NRF1: variants seen among roughly 807,000 people sequenced by gnomAD.
The protein encoded by NRF1 is nuclear respiratory factor 1, also known as alpha palindromic-binding protein.
Under a neutral mutation model 58.5 loss-of-function variants are expected in NRF1, and 5 were observed. That is an observed-to-expected ratio of 0.09 (90% CI 0.04 to 0.18). NRF1 has a LOEUF of 0.18. Among genes scored for constraint, NRF1 ranks in the 10% least tolerant of loss-of-function variants. NRF1 has a pLI of 1.00. For synonymous variants in NRF1, 224 were observed against 246.7 expected (o/e 0.91, Z 0.86); for missense variants, 288 against 657.7 (o/e 0.44, Z 6.15).
intron 1 of NRF1, among the ~76,000 whole-genome samples, chr7:129,646,552 T>C (rs987471305): frequency 3.3e-5 from 5 of 152,126 alleles, no homozygotes; most frequent in African/African-American, 1.2e-4. Context: ...CTCCTGCAGC[T>C]GGTAATCTGA....
intron 5 of NRF1, among the ~76,000 whole-genome samples, chr7:129,691,002 AG>A (rs1802553976): frequency 6.6e-6 from 1 of 152,192 alleles, no homozygotes; most frequent in Admixed American, 6.5e-5. Flanking sequence ...TAAAAGTCAG[AG>A]TGACAGTCTT....
At chr7:129,654,703 T>A (rs573191840) in intron 1 of NRF1, among the ~76,000 whole-genome samples, 2 of 152,360 alleles carry the variant, frequency 1.3e-5, no homozygotes, top group African/African-American at 2.4e-5. Context: ...CACCATTCAT[T>A]GAAAAGACTA....
intron 1 of NRF1, among the ~76,000 whole-genome samples, chr7:129,635,400 C>G (rs1434417611): frequency 6.6e-6 from 1 of 152,122 alleles, no homozygotes; most frequent in Admixed American, 6.6e-5. Context: ...TTTAAGCACA[C>G]CACCTTTGGG....
At chr7:129,686,508 C>A (rs542875055) in intron 4 of NRF1, among the ~76,000 whole-genome samples, 2 of 152,300 alleles carry the variant, frequency 1.3e-5, no homozygotes, top group South Asian at 2.1e-4. Flanking sequence ...ACACTTCTTA[C>A]TAGTTAATAT....
In NRF1 at chr7:129,721,480, C is replaced by CT. The variant is rs1177344971; in HGVS notation, c.1223+4120dup. ...TTTGAAAGAAAAATTTGCTCTTAGT[C>CT]TTTTTTTTTTTTTTTTATTGAGACA... On this transcript the variant is annotated intron_variant, in intron 9 of 10. Coordinates refer to ENST00000393232, the MANE Select transcript of NRF1 (RefSeq NM_005011.5). Among the ~76,000 whole-genome samples, 1,201 of 137,800 alleles carry CT rather than the reference C, an allele frequency of 8.7e-3. 10 individuals carry two copies. The highest frequency in any genetic ancestry group is 0.021 in the African/African-American group (811 of 37,794). The allele number at this position is 137,800 out of a possible 152,430, so 90.4% of individuals were successfully genotyped here. A position where few individuals can be genotyped will look rare whatever the true frequency, so the allele number is the denominator to read the frequency against.
chr7:129,703,787 A>G (rs1802889904), intron 5 of NRF1, among the ~76,000 whole-genome samples: 1 of 152,188 alleles, frequency 6.6e-6, no homozygotes, highest in Non-Finnish European at 1.5e-5. Flanking sequence ...GTATGCCAGC[A>G]GCTGATTTCA....
At chr7:129,669,725 T>C (rs1004570304) in intron 2 of NRF1, among the ~76,000 whole-genome samples, 1 of 152,190 alleles carries the variant, frequency 6.6e-6, no homozygotes, top group Non-Finnish European at 1.5e-5. Flanking sequence ...CTGGAACCCT[T>C]ATATACTATA....
At chr7:129,725,401 C>T (rs1803428090) in intron 9 of NRF1, among the ~76,000 whole-genome samples, 1 of 151,892 alleles carries the variant, frequency 6.6e-6, no homozygotes, top group Non-Finnish European at 1.5e-5. Flanking sequence ...GATATCGGCC[C>T]ACTGCAATCT....
chr7:129,653,410 T>A (rs945479395), intron 1 of NRF1, among the ~76,000 whole-genome samples: 2 of 152,156 alleles, frequency 1.3e-5, no homozygotes, highest in East Asian at 3.9e-4. Flanking sequence ...TGCACCAGAG[T>A]GGTACATTTG....
intron 2 of NRF1, among the ~76,000 whole-genome samples, chr7:129,666,607 C>T (rs1052027817): frequency 6.6e-6 from 1 of 152,168 alleles, no homozygotes; most frequent in African/African-American, 2.4e-5. Context: ...TCTCTGCTCA[C>T]TGCAACCTCT....
At chr7:129,688,838 A>G (rs1161092917) in intron 4 of NRF1, among the ~76,000 whole-genome samples, 1 of 152,190 alleles carries the variant, frequency 6.6e-6, no homozygotes, top group Admixed American at 6.5e-5. Context: ...ACCTCCCACC[A>G]GGTCCCTCCC....
At chr7:129,678,770 G>C (rs1802240377) in intron 4 of NRF1, among the ~76,000 whole-genome samples, 1 of 151,984 alleles carries the variant, frequency 6.6e-6, no homozygotes, top group African/African-American at 2.4e-5. Flanking sequence ...ACTACTACTG[G>C]TAGTAGTAAA....
At chr7:129,660,371 T>G (rs974742134) in intron 2 of NRF1, among the ~76,000 whole-genome samples, 1 of 150,692 alleles carries the variant, frequency 6.6e-6, no homozygotes, top group East Asian at 1.9e-4. Context: ...CTTAACTCAT[T>G]TCAGCATTAA....
intron 10 of NRF1, among the ~76,000 whole-genome samples, chr7:129,738,365 GA>G (rs1803770442): frequency 6.6e-6 from 1 of 152,192 alleles, no homozygotes; most frequent in Non-Finnish European, 1.5e-5. Flanking sequence ...CTTTTCCTGG[GA>G]ACTGTATGTG....
Position 129,677,648 on chromosome 7 carries a change from T to C in NRF1, c.355T>C (p.Leu119=). 6.2e-7 allele frequency: 1 copy of C among 1,613,976 alleles called. No individual in the cohort carries two copies. Among genetic ancestry groups the C allele is most frequent in the Non-Finnish European group, 8.5e-7 (1 of 1,179,960 alleles). The part of the protein sequence containing the change: ...TRLLRKLRAT[L]DEYTTRVGQQ... Reference sequence around the variant, plus strand: ...CTGATTCAGGAAACTTCGAGCCACGTTAGATGAATATACTACTCGTGTGGG... The same window carrying C: ...CTGATTCAGGAAACTTCGAGCCACGCTAGATGAATATACTACTCGTGTGGG... Residue 119 remains leucine, a synonymous_variant, in exon 4 of 11, where the codon TTA becomes CTA. Coordinates refer to ENST00000393232, the MANE Select transcript of NRF1 (RefSeq NM_005011.5).
chr7:129,698,078 A>G (rs1802740997), intron 5 of NRF1, among the ~76,000 whole-genome samples: 1 of 152,026 alleles, frequency 6.6e-6, no homozygotes, highest in South Asian at 2.1e-4. Flanking sequence ...AAAACTCTCA[A>G]ACTTGTCTCC....
At chr7:129,738,730 T>G (rs1803779439) in intron 10 of NRF1, among the ~76,000 whole-genome samples, 1 of 152,232 alleles carries the variant, frequency 6.6e-6, no homozygotes, top group Non-Finnish European at 1.5e-5. Flanking sequence ...TTATTCTACC[T>G]TCACCCAGTA....
intron 3 of NRF1, among the ~76,000 whole-genome samples, chr7:129,675,595 C>T (rs1027594447): frequency 1.3e-5 from 2 of 152,240 alleles, no homozygotes; most frequent in East Asian, 3.8e-4. Flanking sequence ...GCATTAATCT[C>T]CTTGTACGTC....
intron 5 of NRF1, among the ~76,000 whole-genome samples, chr7:129,704,905 CTTAT>C (rs1802913886): frequency 1.3e-5 from 2 of 152,020 alleles, no homozygotes; most frequent in East Asian, 1.9e-4. Flanking sequence ...TTTCTGAGTC[CTTAT>C]TTGTTTTACA....
Sources: gnomAD v4.1 joint callset for allele counts (sites outside exome capture counted in the v4.1 genomes callset) on GRCh38, gnomAD v4.1.1 for gene constraint, MANE v1.5 for transcripts, NCBI Gene and HGNC (gene_info 2026-07-23, HGNC 2026-07-21) for gene names.